HDHD5: variants seen among roughly 807,000 people sequenced by gnomAD.
HDHD5 encodes the protein haloacid dehalogenase like hydrolase domain containing 5, also known as haloacid dehalogenase-like hydrolase domain-containing 5.
In HDHD5, 34 loss-of-function variants were observed where a neutral mutation model predicts 35.5. The observed-to-expected ratio is 0.96, with a 90% CI of 0.73 to 1.28. The LOEUF (loss-of-function observed/expected upper bound fraction) is 1.28. Ranked by LOEUF, HDHD5 falls within the 50% of genes most tolerant of loss-of-function variation. HDHD5 has a pLI of 0.00. For synonymous variants in HDHD5, 248 were observed against 240.6 expected, an observed-to-expected ratio of 1.03 and a Z score of -0.29; for missense variants, 589 against 560.2, an observed-to-expected ratio of 1.05 and a Z score of -0.52.
At chr22:17,139,977 A>G (rs2061581457) in intron 6 of HDHD5, among the ~76,000 whole-genome samples, 1 of 152,152 alleles carries the variant, frequency 6.6e-6, no homozygotes, top group African/African-American at 2.4e-5. Context: ...GACATAACCA[A>G]CCAAGCCCAC....
intron 1 of HDHD5, among the ~76,000 whole-genome samples, chr22:17,151,408 C>T (rs527478105): frequency 1.5e-4 from 23 of 152,260 alleles, no homozygotes; most frequent in Admixed American, 1.4e-3. Flanking sequence ...ACGCACAGAG[C>T]TCCCTTTATA....
At position 17,138,179 on chromosome 22, in the gene HDHD5, G is replaced by A. The variant is rs147586938; in HGVS notation, c.1114C>T (p.Gln372Ter). The change falls in exon 8 of 8, where the codon CAG becomes TAG. Residue 372 changes from glutamine to a stop codon, truncating the protein, a stop_gained. Transcript: ENST00000336737. LOFTEE classifies it low-confidence loss of function (END_TRUNC). Reference protein sequence around the residue: ...CTGVYNPRNPQSTEPVLGGGE... With the variant: ...CTGVYNPRNP Reference sequence around the variant, plus strand: ...CCTCCAAGGACAGGCTCCGTGGACTGTGGGTTCCTGGGATTGTAGACGCCT... The same window carrying A: ...CCTCCAAGGACAGGCTCCGTGGACTATGGGTTCCTGGGATTGTAGACGCCT... 6.2e-7 allele frequency: 1 copy of A among 1,614,206 alleles called. No homozygotes were observed. The highest frequency in any genetic ancestry group is 8.5e-7 in the Non-Finnish European group (1 of 1,180,036).
intron 1 of HDHD5, among the ~76,000 whole-genome samples, chr22:17,157,073 G>GTC (rs1195703699): frequency 2.0e-3 from 119 of 59,904 alleles, no homozygotes; most frequent in African/African-American, 8.5e-3. Flanking sequence ...GCTAGACACC[G>GTC]TCTCACACAC....
chr22:17,143,537 C>T (rs1387109879), intron 4 of HDHD5: 1 of 171,100 alleles, frequency 5.8e-6, no homozygotes, highest in Non-Finnish European at 1.2e-5. Flanking sequence ...CTTCACTCGA[C>T]CAGCCTCGAG....
chr22:17,151,666 G>A (rs1299505804), intron 1 of HDHD5, among the ~76,000 whole-genome samples: 1 of 150,670 alleles, frequency 6.6e-6, no homozygotes, highest in East Asian at 2.0e-4. Flanking sequence ...GGAGGCAGAG[G>A]ATGCAGTGAG....
intron 1 of HDHD5, among the ~76,000 whole-genome samples, chr22:17,150,555 G>A (rs1359171732): frequency 7.1e-6 from 1 of 140,510 alleles, no homozygotes; most frequent in East Asian, 2.1e-4. Context: ...GTCTTGCTCT[G>A]TCGCCGAGAC....
chr22:17,162,557 T>C (rs1231127861), upstream of HDHD5, among the ~76,000 whole-genome samples: 1 of 152,144 alleles, frequency 6.6e-6, no homozygotes, highest in African/African-American at 2.4e-5. Flanking sequence ...GTTGTTTTAG[T>C]TGGTTTGGTT....
At position 17,137,793 on chromosome 22, in the gene HDHD5, T is replaced by G; in HGVS notation, c.*228A>C. 1.9e-6 allele frequency: 1 copy of G among 534,472 alleles called. No individual in the cohort carries two copies. The highest frequency in any genetic ancestry group is 3.4e-6 in the Non-Finnish European group (1 of 298,418). The allele number at this position is 534,472 out of a possible 1,614,324, so 33.1% of individuals were successfully genotyped here. On this transcript the variant is annotated 3_prime_UTR_variant, in exon 8 of 8. Coordinates refer to ENST00000336737, the MANE Select transcript of HDHD5 (RefSeq NM_033070.3). ...AGGTTAGACTGCCACGAAAGGCACG[T>G]GGGAACTGGGCCCAGAAAATTCCAA...
In HDHD5 at chr22:17,138,190, G is replaced by T; in HGVS notation, c.1103C>A (p.Pro368His). The T allele has an allele frequency of 1.2e-6, 2 of 1,614,186 alleles. No individual in the cohort carries two copies. The highest frequency in any genetic ancestry group is 1.7e-6 in the Non-Finnish European group (2 of 1,180,030). The change falls in exon 8 of 8, where the codon CCC (proline) becomes CAC (histidine). Residue 368 changes from proline to histidine, a missense_variant. By Grantham distance (77) the Pro-to-His change is moderately conservative (BLOSUM62 -2). Transcript: ENST00000336737. ...SILVCTGVYNPRNPQSTEPVL... is the reference protein window; with the variant it reads ...SILVCTGVYNHRNPQSTEPVL... The stretch of plus-strand genomic sequence containing the variant: ...AGGCTCCGTGGACTGTGGGTTCCTG[G>T]GATTGTAGACGCCTGTACACACCAG...
At chr22:17,152,872 C>T (rs1215138680) in intron 1 of HDHD5, among the ~76,000 whole-genome samples, 1 of 152,072 alleles carries the variant, frequency 6.6e-6, no homozygotes, top group East Asian at 1.9e-4. Flanking sequence ...TCTTCCAGCT[C>T]CTCCTCCATG....
chr22:17,151,201 T>C (rs1272043193), intron 1 of HDHD5, among the ~76,000 whole-genome samples: 1 of 152,252 alleles, frequency 6.6e-6, no homozygotes, highest in African/African-American at 2.4e-5. Flanking sequence ...AAAAAAATTA[T>C]CTCTTTTCTA....
At chr22:17,140,159 G>A (rs937360285) in intron 6 of HDHD5, among the ~76,000 whole-genome samples, 8 of 152,230 alleles carry the variant, frequency 5.3e-5, no homozygotes, top group Non-Finnish European at 7.3e-5. Flanking sequence ...CTCTGCTGAC[G>A]AGCACTGTCG....
Position 17,145,211 on chromosome 22 carries a change from C to T in HDHD5, c.444-94G>A, listed in dbSNP as rs532624454. On this transcript the variant is annotated intron_variant, in intron 3 of 7. Coordinates refer to ENST00000336737, the MANE Select transcript of HDHD5 (RefSeq NM_033070.3). ...ACAAGTGAAGGGAACACAACCCACT[C>T]CTGATCAAGCCAGGCAGGAGGGCAC... 3.7e-5 allele frequency: 57 copies of T among 1,555,242 alleles called. No individual in the cohort carries two copies. In the Middle Eastern group the frequency reaches 1.0e-3, roughly 27 times the overall value.
In HDHD5 at chr22:17,149,864, A is replaced by C. The variant is rs2061707130; in HGVS notation, c.127-119T>G. ...CCCTTGAAAACCTATGTCAGAAAGA[A>C]CAAAAAAATGAAGATGGGATTCTGA... is the stretch of plus-strand genomic sequence containing the variant. On this transcript the variant is annotated intron_variant, in intron 1 of 7. Transcript: ENST00000336737. 1.0e-5 allele frequency: 8 copies of C among 780,994 alleles called. No individual in the cohort carries two copies. The Admixed American group carries it at 1.8e-4, about 18-fold the overall frequency. 48.4% of individuals were successfully genotyped at this position (780,994 alleles called of 1,614,324 possible).
chr22:17,154,439 G>A (rs999747937), intron 1 of HDHD5, among the ~76,000 whole-genome samples: 15 of 150,834 alleles, frequency 9.9e-5, no homozygotes, highest in Non-Finnish European at 1.8e-4. Flanking sequence ...AGATCACATC[G>A]TTGCACTCCA....
upstream of HDHD5, among the ~76,000 whole-genome samples, chr22:17,161,245 CAAAAAA>C (rs574657476): frequency 2.8e-5 from 3 of 105,342 alleles, no homozygotes; most frequent in African/African-American, 1.1e-4. Flanking sequence ...GACTCTATCT[CAAAAAA>C]AAAAAAAAAA....
intron 1 of HDHD5, among the ~76,000 whole-genome samples, chr22:17,150,716 G>C (rs2061716985): frequency 6.6e-6 from 1 of 152,016 alleles, no homozygotes; most frequent in East Asian, 1.9e-4. Context: ...ACGAGGTTAT[G>C]CCATGTTGAC....
chr22:17,151,519 C>T (rs2061724435), intron 1 of HDHD5, among the ~76,000 whole-genome samples: 1 of 152,030 alleles, frequency 6.6e-6, no homozygotes, highest in African/African-American at 2.4e-5. Context: ...CACTTGAGGT[C>T]AGGAGTTCAA....
At chr22:17,157,085 T>TACAC (rs58807817) in intron 1 of HDHD5, among the ~76,000 whole-genome samples, 3,307 of 143,750 alleles carry the variant, frequency 0.023, 103 homozygotes, top group Admixed American at 0.067. Context: ...CTCACACACA[T>TACAC]ACACACACAC....
Sources: allele counts gnomAD v4.1 joint callset (sites outside exome capture counted in the v4.1 genomes callset), GRCh38; gene constraint gnomAD v4.1.1; transcripts MANE v1.5; gene names NCBI Gene and HGNC (gene_info 2026-07-23, HGNC 2026-07-21).